Variants in CDK12 observed in about 807,000 individuals in gnomAD.
CDK12 encodes the protein cyclin dependent kinase 12.
Under a neutral mutation model 133.8 loss-of-function variants are expected in CDK12, and 17 were observed. The ratio of observed to expected loss-of-function variants is 0.13; its 90% CI spans 0.09 to 0.19. CDK12 has a LOEUF of 0.19. CDK12 is among the 10% of genes least tolerant of loss of function. The pLI is 1.00. For synonymous variants in CDK12, 694 were observed against 683.6 expected, an observed-to-expected ratio of 1.02 and a Z score of -0.24; for missense variants, 1,508 against 1,818.7, an observed-to-expected ratio of 0.83 and a Z score of 3.11.
intron 3 of CDK12, among the ~76,000 whole-genome samples, chr17:39,559,547 G>A (rs75945806): frequency 2.0e-5 from 3 of 151,976 alleles, no homozygotes; most frequent in African/African-American, 7.3e-5. Flanking sequence ...CTAAAATTTC[G>A]TAGTTTCAAA....
downstream of CDK12, among the ~76,000 whole-genome samples, chr17:39,566,407 G>A (rs2056575874): frequency 6.6e-6 from 1 of 152,156 alleles, no homozygotes; most frequent in Admixed American, 6.5e-5. Flanking sequence ...GAGTCGTGCA[G>A]TGTTGTCCCT....
At chr17:39,493,160 A>ATTT (rs1311630248) in intron 4 of CDK12, among the ~76,000 whole-genome samples, 4 of 84,304 alleles carry the variant, frequency 4.7e-5, no homozygotes, top group South Asian at 7.6e-4. Context: ...CACTCGACTA[A>ATTT]TTTTTGTTTT....
intron 2 of CDK12, among the ~76,000 whole-genome samples, chr17:39,483,110 A>T (rs2050852248): frequency 6.6e-6 from 1 of 151,208 alleles, no homozygotes; most frequent in Non-Finnish European, 1.5e-5. Flanking sequence ...ACGGGGTTTC[A>T]CCATGTTGGT....
intron 2 of CDK12, among the ~76,000 whole-genome samples, chr17:39,476,797 A>G (rs1363974023): frequency 7.3e-6 from 1 of 136,960 alleles, no homozygotes; most frequent in Non-Finnish European, 1.5e-5. Context: ...ATCTCAGCTC[A>G]CGCAACCTCC....
rs192990223 is a variant in CDK12 at position 39,508,202 on chromosome 17, C to T, written c.2610-1503C>T. On this transcript the variant is annotated intron_variant, in intron 6 of 13. Transcript: ENST00000447079. ...AAGTTTCAGATTTTGCTTCAGACGG[C>T]GGGGGGAGAAGGTTCTGAAAAATTT... Among the ~76,000 whole-genome samples, 10 of 152,094 alleles carry T rather than the reference C, an allele frequency of 6.6e-5. No homozygotes were observed. The East Asian group carries it at 1.3e-3, about 21-fold the overall frequency.
intron 2 of CDK12, among the ~76,000 whole-genome samples, chr17:39,484,555 C>T (rs1213268666): frequency 6.6e-6 from 1 of 152,102 alleles, no homozygotes; most frequent in Non-Finnish European, 1.5e-5. Context: ...GTTTTTAGTA[C>T]ATTGGAATTT....
At chr17:39,484,401 C>T (rs1443504807) in intron 2 of CDK12, among the ~76,000 whole-genome samples, 1 of 152,090 alleles carries the variant, frequency 6.6e-6, no homozygotes, top group Non-Finnish European at 1.5e-5. Flanking sequence ...CAAGTAATGA[C>T]TGTGATGTAT....
At chr17:39,520,853 GT>G (rs1315797713) in intron 11 of CDK12, among the ~76,000 whole-genome samples, 2 of 151,964 alleles carry the variant, frequency 1.3e-5, no homozygotes, top group Admixed American at 6.6e-5. Context: ...GTTTCATTTT[GT>G]TTTGTTTTTT....
intron 5 of CDK12, among the ~76,000 whole-genome samples, chr17:39,497,705 C>A (rs1015316093): frequency 1.3e-5 from 2 of 151,938 alleles, no homozygotes; most frequent in Admixed American, 6.6e-5. Flanking sequence ...CAGGCTCAAG[C>A]AATCCTCCAT....
At chr17:39,535,668 A>G (rs917767283), downstream of CDK12, among the ~76,000 whole-genome samples, 6 of 152,218 alleles carry the variant, frequency 3.9e-5, no homozygotes, top group African/African-American at 1.4e-4. Context: ...CTAACCAGAA[A>G]CCATGCTGTT....
Position 39,530,612 on chromosome 17 carries a change from C to G in CDK12, c.3769C>G (p.Pro1257Ala). 1.3e-6 allele frequency: 2 copies of G among 1,593,716 alleles called. No homozygotes were observed. Among genetic ancestry groups the G allele is most frequent in the Non-Finnish European group, 1.7e-6 (2 of 1,168,940 alleles). Residue 1257 changes from proline to alanine, a missense_variant, in exon 14 of 14, where the codon CCT (proline) becomes GCT (alanine). Around this residue, in one of 9 missense-constraint regions of CDK12, gnomAD observed 399 missense variants for 469.6 expected, o/e 0.85. Coordinates refer to ENST00000447079, the MANE Select transcript of CDK12 (RefSeq NM_016507.4). The stretch of plus-strand genomic sequence containing the variant: ...AAGTAACCCTTCCACAGCATGTCCT[C>G]CTCACATTCTTCCACCAGAGAAGAG... ...MPQEEAAACP[P>A]HILPPEKRPP...
chr17:39,528,166 C>T (rs144489391), intron 13 of CDK12, among the ~76,000 whole-genome samples: 63 of 151,700 alleles, frequency 4.2e-4, no homozygotes, highest in African/African-American at 1.4e-3. Context: ...GTGATCCACC[C>T]GCCTTAGCCT....
intron 1 of CDK12, among the ~76,000 whole-genome samples, chr17:39,468,672 T>C (rs548834264): frequency 6.6e-6 from 1 of 151,574 alleles, no homozygotes; most frequent in Non-Finnish European, 1.5e-5. Context: ...ACAGGGTTTC[T>C]CCATATTGGT....
chr17:39,501,152 C>A (rs1396735640), intron 5 of CDK12, 98 bp from the exon 6 acceptor site: 1 of 786,728 alleles, frequency 1.3e-6, no homozygotes. Context: ...TTCTAGAGAA[C>A]CTGTGGTCAA....
intron 9 of CDK12, among the ~76,000 whole-genome samples, chr17:39,516,745 C>T (rs1272077233): frequency 6.7e-6 from 1 of 149,840 alleles, no homozygotes; most frequent in Non-Finnish European, 1.5e-5. Context: ...TCACTGCAAG[C>T]TCCACCTCCC....
chr17:39,543,476 A>G (rs11657153), upstream of CDK12, among the ~76,000 whole-genome samples: 119,892 of 152,136 alleles, frequency 0.79, 47,763 homozygotes, highest in South Asian at 0.92. Context: ...AGAGTGGAAT[A>G]CTGGAGCATG....
At chr17:39,498,512 C>T (rs1419596594) in intron 5 of CDK12, among the ~76,000 whole-genome samples, 14 of 152,222 alleles carry the variant, frequency 9.2e-5, no homozygotes, top group Middle Eastern at 3.4e-3. Flanking sequence ...CGTGAGCCGC[C>T]GCGCCCGGCC....
At chr17:39,553,909 C>A (rs184877073) in intron 2 of CDK12, among the ~76,000 whole-genome samples, 5 of 148,762 alleles carry the variant, frequency 3.4e-5, no homozygotes, top group African/African-American at 9.9e-5. Context: ...GGTCCCTCAT[C>A]TGGATTGTGG....
chr17:39,512,328 G>A (rs149819654), intron 8 of CDK12, among the ~76,000 whole-genome samples: 1 of 152,312 alleles, frequency 6.6e-6, no homozygotes, highest in East Asian at 1.9e-4. Context: ...GGTCAGGGTA[G>A]TAGACCCTGA....
Sources: gnomAD v4.1 joint callset for allele counts (sites outside exome capture counted in the v4.1 genomes callset) on GRCh38, gnomAD v4.1.1 for gene constraint, gnomAD v4.1.1 regional missense constraint, MANE v1.5 for transcripts, NCBI Gene and HGNC (gene_info 2026-07-23, HGNC 2026-07-21) for gene names.